Variants in CNTLN observed in about 807,000 individuals in gnomAD.
CNTLN encodes centlein, centrosomal protein.
A neutral mutation model predicts 180.0 loss-of-function variants in CNTLN; 212 were observed. The observed-to-expected ratio is 1.18, with a 90% CI of 1.05 to 1.32. The LOEUF (loss-of-function observed/expected upper bound fraction) is 1.32. CNTLN is among the 40% of genes most tolerant of loss of function. The pLI, the probability that CNTLN is intolerant of heterozygous loss-of-function variation, is 0.00. For synonymous variants in CNTLN, 722 were observed against 563.1 expected (o/e 1.28, Z -3.99); for missense variants, 2,095 against 1,610.9 (o/e 1.30, Z -5.14).
intron 2 of CNTLN, among the ~76,000 whole-genome samples, chr9:17,217,750 T>C (rs533158074): frequency 4.6e-5 from 7 of 152,304 alleles, no homozygotes; most frequent in African/African-American, 1.7e-4. Context: ...TTGTTTTACA[T>C]AATAAATGTT....
At chr9:17,445,763 C>G (rs372136662) in intron 18 of CNTLN, among the ~76,000 whole-genome samples, 1 of 152,048 alleles carries the variant, frequency 6.6e-6, no homozygotes, top group Non-Finnish European at 1.5e-5. Flanking sequence ...CTGACCATCC[C>G]CCAGCCCGAC....
chr9:17,283,867 C>T (rs746570871), intron 6 of CNTLN, among the ~76,000 whole-genome samples: 9 of 152,064 alleles, frequency 5.9e-5, no homozygotes, highest in Non-Finnish European at 1.0e-4. Context: ...TGTTTGCTGT[C>T]TTTAGTTCTG....
At chr9:17,506,237 C>T (rs549983839), downstream of CNTLN, among the ~76,000 whole-genome samples, 1 of 152,062 alleles carries the variant, frequency 6.6e-6, no homozygotes, top group South Asian at 2.1e-4. Context: ...GCCATGACAC[C>T]AGAAGCATGA....
chr9:17,264,609 C>T (rs1343586167), intron 5 of CNTLN, among the ~76,000 whole-genome samples: 1 of 152,170 alleles, frequency 6.6e-6, no homozygotes, highest in South Asian at 2.1e-4. Flanking sequence ...ATGGGGATGA[C>T]ATTGAATCTA....
intron 15 of CNTLN, among the ~76,000 whole-genome samples, chr9:17,397,702 C>G (rs1421146695): frequency 6.6e-6 from 1 of 152,158 alleles, no homozygotes; most frequent in East Asian, 1.9e-4. Context: ...AGCACCTATT[C>G]AAGATGGAGT....
chr9:17,451,709 A>T (rs1307864964), intron 18 of CNTLN, among the ~76,000 whole-genome samples: 6 of 152,148 alleles, frequency 3.9e-5, no homozygotes, highest in Non-Finnish European at 7.3e-5. Context: ...CCTCCAAGAA[A>T]CCCTGATCCA....
chr9:17,141,343 T>C (rs1460625306), intron 1 of CNTLN, among the ~76,000 whole-genome samples: 1 of 152,048 alleles, frequency 6.6e-6, no homozygotes, highest in East Asian at 1.9e-4. Context: ...TTGGTGGCTG[T>C]GATAGTAGTC....
intron 23 of CNTLN, among the ~76,000 whole-genome samples, chr9:17,477,846 G>C (rs1436935409): frequency 6.6e-6 from 1 of 152,140 alleles, no homozygotes; most frequent in Admixed American, 6.5e-5. Context: ...GCAGTGGCAG[G>C]GTTTGAGAGG....
chr9:17,331,012 A>T (rs567474271), intron 9 of CNTLN, among the ~76,000 whole-genome samples: 250 of 152,150 alleles, frequency 1.6e-3, no homozygotes, highest in Middle Eastern at 0.01. Flanking sequence ...TTCCCAAATT[A>T]GTTAATTAAA....
intron 18 of CNTLN, among the ~76,000 whole-genome samples, chr9:17,431,682 A>G (rs953811760): frequency 3.9e-5 from 6 of 152,058 alleles, no homozygotes; most frequent in Non-Finnish European, 8.8e-5. Flanking sequence ...TGGGTTTCGT[A>G]TTAAAGACTG....
At chr9:17,249,473 C>T (rs577177722) in intron 5 of CNTLN, among the ~76,000 whole-genome samples, 4 of 151,626 alleles carry the variant, frequency 2.6e-5, no homozygotes, top group Admixed American at 1.3e-4. Flanking sequence ...TTCAGCCTCC[C>T]GAGTAGCTGG....
intron 5 of CNTLN, among the ~76,000 whole-genome samples, chr9:17,261,763 CA>C (rs1826998449): frequency 1.3e-5 from 2 of 151,366 alleles, no homozygotes; most frequent in East Asian, 3.9e-4. Flanking sequence ...AGGTTCTGCA[CA>C]GCAGAAGAAA....
chr9:17,201,434 G>A (rs1400021674), intron 2 of CNTLN, among the ~76,000 whole-genome samples: 1 of 152,092 alleles, frequency 6.6e-6, no homozygotes, highest in Non-Finnish European at 1.5e-5. Context: ...TGTACCTCTG[G>A]TAGAATTCAG....
At chr9:17,245,097 A>G (rs1467754254) in intron 5 of CNTLN, among the ~76,000 whole-genome samples, 4 of 152,122 alleles carry the variant, frequency 2.6e-5, no homozygotes, top group African/African-American at 9.7e-5. Flanking sequence ...ACACTTTTAT[A>G]ATACTCTGTA....
At chr9:17,421,489 G>A (rs995521244) in intron 18 of CNTLN, among the ~76,000 whole-genome samples, 1 of 152,002 alleles carries the variant, frequency 6.6e-6, no homozygotes, top group African/African-American at 2.4e-5. Context: ...CTTGTAGGTA[G>A]TGTATCATTG....
chr9:17,286,676 T>TGA (rs1306629835), intron 6 of CNTLN, among the ~76,000 whole-genome samples: 1 of 120,788 alleles, frequency 8.3e-6, no homozygotes, highest in Non-Finnish European at 1.7e-5. Flanking sequence ...TCCTCTTTTA[T>TGA]TTCATTGAGC....
At chr9:17,516,726 C>T in the CNTLN span, among the ~76,000 whole-genome samples, 7 of 152,220 alleles carry the variant, frequency 4.6e-5, no homozygotes, top group South Asian at 2.1e-4. Context: ...CTCACATAGA[C>T]GGGTGGAAGG....
intron 6 of CNTLN, among the ~76,000 whole-genome samples, chr9:17,292,909 C>G (rs1004031004): frequency 6.6e-6 from 1 of 152,152 alleles, no homozygotes; most frequent in Non-Finnish European, 1.5e-5. Context: ...TTGATTCTTT[C>G]TCATCTTTGT....
At chr9:17,444,631 T>TA (rs1205313570) in intron 18 of CNTLN, among the ~76,000 whole-genome samples, 4 of 152,186 alleles carry the variant, frequency 2.6e-5, no homozygotes, top group Non-Finnish European at 4.4e-5. Context: ...GCTTGATTAA[T>TA]AAAAATGGAA....
Sources: gnomAD v4.1 joint callset for allele counts (sites outside exome capture counted in the v4.1 genomes callset) on GRCh38, gnomAD v4.1.1 for gene constraint, MANE v1.5 for transcripts, NCBI Gene and HGNC (gene_info 2026-07-23, HGNC 2026-07-21) for gene names.